Variants in SLC27A6 observed in about 807,000 individuals in gnomAD.
SLC27A6 encodes solute carrier family 27 member 6.
In SLC27A6, 74 loss-of-function variants were observed where a neutral mutation model predicts 63.9. That is an observed-to-expected ratio of 1.16 (90% CI 0.96 to 1.40). The LOEUF is 1.40. SLC27A6 is among the 40% of genes most tolerant of loss of function. The pLI is 0.00. For synonymous variants in SLC27A6, 287 were observed against 260.8 expected (o/e 1.10, Z -0.97); for missense variants, 794 against 732.9 (o/e 1.08, Z -0.96).
chr5:128,985,540 A>T (rs1206894768), intron 2 of SLC27A6, among the ~76,000 whole-genome samples: 3 of 152,158 alleles, frequency 2.0e-5, no homozygotes, highest in African/African-American at 7.2e-5. Context: ...CATTGTGTTC[A>T]TTTGGCATTT....
At chr5:128,971,856 G>A (rs950762132) in intron 1 of SLC27A6, among the ~76,000 whole-genome samples, 26 of 152,154 alleles carry the variant, frequency 1.7e-4, no homozygotes, top group Middle Eastern at 3.4e-3. Flanking sequence ...TCTTTCTAGC[G>A]TCGATGGTCT....
intron 4 of SLC27A6, among the ~76,000 whole-genome samples, chr5:129,014,335 C>T (rs75694688): frequency 2.6e-4 from 39 of 152,214 alleles, no homozygotes; most frequent in African/African-American, 7.9e-4. Context: ...GGAAAATGAA[C>T]AAAGTTATGT....
chr5:128,968,320 C>T (rs1288200455), intron 1 of SLC27A6, among the ~76,000 whole-genome samples: 1 of 152,106 alleles, frequency 6.6e-6, no homozygotes, highest in Non-Finnish European at 1.5e-5. Context: ...AGTTCTAGAT[C>T]CTTGAGGAAT....
intron 4 of SLC27A6, among the ~76,000 whole-genome samples, chr5:129,009,975 C>T (rs913751018): frequency 3.9e-5 from 6 of 152,120 alleles, no homozygotes; most frequent in South Asian, 2.1e-4. Context: ...CTGCACCTGG[C>T]GCTAACATTT....
At chr5:129,023,221 C>A (rs914997089) in intron 5 of SLC27A6, among the ~76,000 whole-genome samples, 8 of 151,868 alleles carry the variant, frequency 5.3e-5, no homozygotes, top group African/African-American at 1.9e-4. Context: ...AATATGCTTC[C>A]ATTTTAGTTC....
chr5:129,016,582 T>A (rs1347029988), intron 5 of SLC27A6, among the ~76,000 whole-genome samples: 1 of 151,828 alleles, frequency 6.6e-6, no homozygotes, highest in Non-Finnish European at 1.5e-5. Flanking sequence ...AGTTATCTTC[T>A]GTATTTTCTC....
rs1215756868 is a variant in SLC27A6 at position 128,966,391 on chromosome 5, T to C, written c.254T>C (p.Val85Ala). Residue 85 changes from valine (V) to alanine (A), a missense_variant, in exon 1 of 10, where the codon GTA becomes GCA. By Grantham distance (64) the Val-to-Ala change is moderately conservative. Coordinates refer to ENST00000262462, the MANE Select transcript of SLC27A6 (RefSeq NM_001017372.3). ...GGAGACATCTACACCTATCAGGATG[T>C]AGACAAAAGGAGCAGCAGAGTGGCC... ...YEGDIYTYQD[V>A]DKRSSRVAHV... 6.2e-7 allele frequency: 1 copy of C among 1,612,810 alleles called. No homozygotes were observed. Among genetic ancestry groups the C allele is most frequent in the East Asian group, 2.2e-5 (1 of 44,886 alleles).
intron 1 of SLC27A6, among the ~76,000 whole-genome samples, chr5:128,976,514 C>CAAACAAAACA (rs146846789): frequency 4.6e-5 from 7 of 151,950 alleles, no homozygotes; most frequent in Admixed American, 3.9e-4. Flanking sequence ...AACTCCGTCT[C>CAAACAAAACA]AAACAAAACA....
Position 129,026,637 on chromosome 5 carries a change from G to A in SLC27A6, c.1256-496G>A, listed in dbSNP as rs369932877. Among the ~76,000 whole-genome samples, 92 of 152,062 alleles carry A rather than the reference G, an allele frequency of 6.1e-4. 2 individuals are homozygous for A. In the South Asian group the frequency reaches 0.012, roughly 20 times the overall value. On this transcript the variant is annotated intron_variant, in intron 6 of 9. Coordinates refer to ENST00000262462, the MANE Select transcript of SLC27A6 (RefSeq NM_001017372.3). ...GCGTGGCAACTATTTTACCCCTCTC[G>A]GTCCTAGTTCCTTGCTGGTGAAATA... is the stretch of plus-strand genomic sequence containing the variant.
intron 3 of SLC27A6, 39 bp from the exon 4 acceptor site, chr5:128,990,301 A>G: frequency 1.9e-6 from 3 of 1,599,408 alleles, no homozygotes. Context: ...CTGCCTTTGA[A>G]TTTTTTTCCC....
chr5:129,019,835 A>T (rs1225919254), intron 5 of SLC27A6, among the ~76,000 whole-genome samples: 3 of 152,102 alleles, frequency 2.0e-5, no homozygotes. Context: ...AAGGATTTTG[A>T]AAACATAGAC....
chr5:129,015,837 G>A, intron 4 of SLC27A6, 48 bp from the exon 5 acceptor site: 3 of 1,276,790 alleles, frequency 2.3e-6, no homozygotes, highest in East Asian at 4.8e-5. Context: ...AATAAAGAAA[G>A]AATTAGAAAC....
At chr5:128,976,050 A>C (rs1580703104) in intron 1 of SLC27A6, among the ~76,000 whole-genome samples, 1 of 152,178 alleles carries the variant, frequency 6.6e-6, no homozygotes, top group African/African-American at 2.4e-5. Flanking sequence ...AAGAAAAAAA[A>C]AACAAAAAGC....
At chr5:129,014,567 TA>T (rs1751828696) in intron 4 of SLC27A6, among the ~76,000 whole-genome samples, 1 of 152,214 alleles carries the variant, frequency 6.6e-6, no homozygotes, top group African/African-American at 2.4e-5. Flanking sequence ...TGAAGGACTC[TA>T]TTTTGTAAAA....
intron 4 of SLC27A6, among the ~76,000 whole-genome samples, chr5:128,993,973 A>G (rs971312688): frequency 3.9e-5 from 6 of 152,048 alleles, no homozygotes; most frequent in African/African-American, 1.4e-4. Context: ...TTTGTAAAAT[A>G]CAAAAATACA....
At chr5:129,010,053 A>T (rs1165693293) in intron 4 of SLC27A6, among the ~76,000 whole-genome samples, 2 of 152,204 alleles carry the variant, frequency 1.3e-5, no homozygotes, top group African/African-American at 4.8e-5. Context: ...GTCCCTGCTA[A>T]CGTGCTGAAT....
chr5:129,025,206 C>T (rs780189023), intron 6 of SLC27A6, among the ~76,000 whole-genome samples: 1 of 152,108 alleles, frequency 6.6e-6, no homozygotes, highest in Non-Finnish European at 1.5e-5. Context: ...TCCATTAAGG[C>T]ATTGTGTCTT....
intron 5 of SLC27A6, among the ~76,000 whole-genome samples, chr5:129,016,785 A>G (rs1215192755): frequency 6.6e-6 from 1 of 152,148 alleles, no homozygotes; most frequent in Non-Finnish European, 1.5e-5. Context: ...ACTCAATTCT[A>G]TACAGGCTTT....
At chr5:129,014,011 G>A (rs1026729682) in intron 4 of SLC27A6, among the ~76,000 whole-genome samples, 1 of 152,112 alleles carries the variant, frequency 6.6e-6, no homozygotes, top group East Asian at 1.9e-4. Context: ...CCAGAAGTCA[G>A]TATCTTTTCT....
Sources: allele counts gnomAD v4.1 joint callset (sites outside exome capture counted in the v4.1 genomes callset), GRCh38; gene constraint gnomAD v4.1.1; transcripts MANE v1.5; gene names NCBI Gene and HGNC (gene_info 2026-07-23, HGNC 2026-07-21).